MEAF6: variants seen among roughly 807,000 people sequenced by gnomAD.
The protein encoded by MEAF6 is MYST/Esa1 associated factor 6, also known as chromatin modification-related protein MEAF6.
In MEAF6, 15 loss-of-function variants were observed where a neutral mutation model predicts 28.9. The ratio of observed to expected loss-of-function variants is 0.52; its 90% CI spans 0.35 to 0.80. MEAF6 has a LOEUF of 0.80. MEAF6 is among the 30% of genes least tolerant of loss of function. MEAF6 has a pLI of 0.01. For missense variants in MEAF6, 178 were observed against 237.5 expected (o/e 0.75, Z 1.65); for synonymous variants, 97 against 88.7 (o/e 1.09, Z -0.53).
Position 37,495,333 on chromosome 1 carries a change from A to AAAT in MEAF6, c.567+551_567+552insATT, listed in dbSNP as rs1642082302. Among the ~76,000 whole-genome samples the AAAT allele has an allele frequency of 7.2e-5, 10 of 138,524 alleles. No individual in the cohort carries two copies. The South Asian group carries it at 9.3e-4, about 13-fold the overall frequency. 90.9% of individuals were successfully genotyped at this position (138,524 alleles called of 152,430 possible). ...GCAACAGAGCAAGACTCCGTCTCAAAAAATAAATAAATAAATAAATAAATA... is the reference window on the plus strand; with the variant it reads ...GCAACAGAGCAAGACTCCGTCTCAAAAATAAATAAATAAATAAATAAATAAATA... On this transcript the variant is annotated intron_variant, in intron 6 of 6. Coordinates refer to ENST00000296214, the MANE Select transcript of MEAF6 (RefSeq NM_001270875.3).
intron 4 of MEAF6, among the ~76,000 whole-genome samples, chr1:37,506,917 G>T (rs889063358): frequency 6.6e-6 from 1 of 152,316 alleles, no homozygotes; most frequent in South Asian, 2.1e-4. Context: ...AGTAACTTGA[G>T]TCTTTCCCTG....
Position 37,509,099 on chromosome 1 carries a change from G to A in MEAF6, c.340+179C>T, listed in dbSNP as rs78656178. On this transcript the variant is annotated intron_variant, in intron 4 of 6. Transcript: ENST00000296214. ...GCTATAGTGAGACCTTGTCTGGGTC[G>A]GGGAGTGGAGAAAAACATGATTAAG... is the stretch of plus-strand genomic sequence containing the variant. Among the ~76,000 whole-genome samples, 1,263 of 152,146 alleles carry A rather than the reference G, an allele frequency of 8.3e-3. 10 individuals carry two copies. Among genetic ancestry groups the A allele is most frequent in the African/African-American group, 0.029 (1,213 of 41,498 alleles).
rs533472682 is a variant in MEAF6, at chr1:37,491,920, T to C, written c.*2179A>G. 4.7e-5 allele frequency among the ~76,000 whole-genome samples: 7 copies of C among 149,556 alleles called. No homozygotes were observed. In the East Asian group the frequency reaches 1.4e-3, roughly 29 times the overall value. ...TAAGAGCAGTACTATTCTTTCTTTT[T>C]TTTTTTTTTTTTGACAGAGTCTCGC... On this transcript the variant is annotated 3_prime_UTR_variant, in exon 7 of 7. Coordinates refer to ENST00000296214, the MANE Select transcript of MEAF6 (RefSeq NM_001270875.3).
Position 37,502,605 on chromosome 1 carries a change from C to T in MEAF6, c.341-609G>A, listed in dbSNP as rs926530925. Among the ~76,000 whole-genome samples, 38 of 147,498 alleles carry T rather than the reference C, an allele frequency of 2.6e-4. 1 individual carries two copies. Among genetic ancestry groups the T allele is most frequent in the Non-Finnish European group, 6.0e-5 (4 of 66,932 alleles). On this transcript the variant is annotated intron_variant, in intron 4 of 6. Transcript: ENST00000296214. ...ACCTTTAAGCTCTGTTGAACTTGAACCTCGTAAGTCTTTTTTTTTTTTTTT... is the reference window on the plus strand; with the variant it reads ...ACCTTTAAGCTCTGTTGAACTTGAATCTCGTAAGTCTTTTTTTTTTTTTTT...
chr1:37,505,405 G>A (rs2148077285), intron 4 of MEAF6, among the ~76,000 whole-genome samples: 1 of 152,296 alleles, frequency 6.6e-6, no homozygotes, highest in Admixed American at 6.5e-5. Context: ...CAAGGCCCAT[G>A]GGCCGCAAGC....
chr1:37,500,196 T>G (rs1386426663), intron 5 of MEAF6, among the ~76,000 whole-genome samples: 1 of 152,020 alleles, frequency 6.6e-6, no homozygotes, highest in Non-Finnish European at 1.5e-5. Context: ...CTCAGGAGGC[T>G]GAGGCAGGAG....
chr1:37,492,591 GTTTA>G lies in MEAF6; in HGVS notation c.*1504_*1507del, dbSNP rs1472133952. 3 of 122,524 alleles carry G rather than the reference GTTTA, an allele frequency of 2.4e-5. No individual in the cohort carries two copies. Among genetic ancestry groups the G allele is most frequent in the Non-Finnish European group, 5.2e-5 (3 of 58,140 alleles). 7.6% of individuals were successfully genotyped at this position (122,524 alleles called of 1,614,324 possible). On this transcript the variant is annotated 3_prime_UTR_variant, in exon 7 of 7. Transcript: ENST00000296214. The stretch of plus-strand genomic sequence containing the variant: ...AAAAAAAAAAAAAAAACCCACAAAA[GTTTA>G]TTTGAGAACAAGAGTGAAAGCTTTT...
intron 5 of MEAF6, among the ~76,000 whole-genome samples, chr1:37,498,778 C>A (rs1219182894): frequency 1.3e-5 from 2 of 152,078 alleles, no homozygotes; most frequent in African/African-American, 4.8e-5. Context: ...CCAGGAATGA[C>A]ATACTGTTCA....
At chr1:37,507,524 T>C (rs762543578) in intron 4 of MEAF6, among the ~76,000 whole-genome samples, 2 of 150,766 alleles carry the variant, frequency 1.3e-5, no homozygotes, top group Non-Finnish European at 2.9e-5. Context: ...GTATAATTGA[T>C]GAGGCTGGCA....
chr1:37,514,610 G>A (rs751922955), intron 1 of MEAF6, 47 bp downstream of exon 1: 8 of 1,404,298 alleles, frequency 5.7e-6, no homozygotes, highest in Admixed American at 2.4e-5. Flanking sequence ...TGGAGGCGGG[G>A]CGGGCGCGGA....
intron 4 of MEAF6, among the ~76,000 whole-genome samples, chr1:37,506,398 T>C (rs865943223): frequency 4.1e-4 from 63 of 152,306 alleles, no homozygotes; most frequent in African/African-American, 1.4e-3. Context: ...TTTTTTGAGA[T>C]AGGGTCTTAC....
rs7534044 is a variant in MEAF6, at chr1:37,492,972, T to C, written c.*1127A>G. 0.051 allele frequency: 7,764 copies of C among 152,292 alleles called. 294 individuals are homozygous for C. The highest frequency in any genetic ancestry group is 0.077 in the Non-Finnish European group (5,247 of 68,034). 9.4% of individuals were successfully genotyped at this position (152,292 alleles called of 1,614,324 possible). ...TTTAAAGCTTCTCAGGTGATTCCAA[T>C]GTGCAGCCAGACCCTGTCGCAAGTT... On this transcript the variant is annotated 3_prime_UTR_variant, in exon 7 of 7. Transcript: ENST00000296214.
At position 37,493,130 on chromosome 1, in the gene MEAF6, A is replaced by C. The variant is rs934475634; in HGVS notation, c.*969T>G. 2.6e-5 allele frequency: 4 copies of C among 152,264 alleles called. No individual in the cohort carries two copies. The highest frequency in any genetic ancestry group is 1.5e-5 in the Non-Finnish European group (1 of 68,062). The allele number at this position is 152,264 out of a possible 1,614,324, so 9.4% of individuals were successfully genotyped here. On this transcript the variant is annotated 3_prime_UTR_variant, in exon 7 of 7. Transcript: ENST00000296214. ...TCCTTTCACTCCACTTAAGAACGAC[A>C]TAAGTTATCACTTTTGGTATAATTT...
chr1:37,513,117 G>T (rs1269385652), intron 2 of MEAF6, among the ~76,000 whole-genome samples: 2 of 152,178 alleles, frequency 1.3e-5, no homozygotes, highest in Non-Finnish European at 2.9e-5. Context: ...GAAAAATACT[G>T]TGAGGGTAGA....
At chr1:37,502,615 CTTT>C (rs35429238) in intron 4 of MEAF6, among the ~76,000 whole-genome samples, 21 of 109,626 alleles carry the variant, frequency 1.9e-4, no homozygotes, top group East Asian at 1.6e-3. Flanking sequence ...CCTCGTAAGT[CTTT>C]TTTTTTTTTT....
intron 2 of MEAF6, among the ~76,000 whole-genome samples, chr1:37,511,828 A>G (rs1642679501): frequency 1.3e-5 from 2 of 152,248 alleles, no homozygotes; most frequent in Admixed American, 1.3e-4. Context: ...ATCTTAAGAC[A>G]TAATAGCCAA....
intron 5 of MEAF6, among the ~76,000 whole-genome samples, chr1:37,499,845 C>T (rs1402369701): frequency 6.6e-6 from 1 of 152,108 alleles, no homozygotes; most frequent in Non-Finnish European, 1.5e-5. Flanking sequence ...TCTTTAACTC[C>T]TTTTTATCAG....
At chr1:37,495,704 CAAAA>C (rs1217893546) in intron 6 of MEAF6, among the ~76,000 whole-genome samples, 177 bp downstream of exon 6, 2 of 64,498 alleles carry the variant, frequency 3.1e-5, no homozygotes, top group Non-Finnish European at 3.3e-5. Context: ...AAACAAAAAA[CAAAA>C]AAAAAAAAAA....
chr1:37,505,878 T>C (rs1642464562), intron 4 of MEAF6, among the ~76,000 whole-genome samples: 1 of 152,304 alleles, frequency 6.6e-6, no homozygotes, highest in Middle Eastern at 3.4e-3. Flanking sequence ...CAACTAGATA[T>C]TCACATGCAA....
Sources: allele counts gnomAD v4.1 joint callset (sites outside exome capture counted in the v4.1 genomes callset), GRCh38; gene constraint gnomAD v4.1.1; transcripts MANE v1.5; gene names NCBI Gene and HGNC (gene_info 2026-07-23, HGNC 2026-07-21).